Variants in SLIT2 observed in about 807,000 individuals in gnomAD.
SLIT2 encodes slit guidance ligand 2.
SLIT2 carries 41 observed loss-of-function variants against 185.7 expected under a neutral mutation model. That is an observed-to-expected ratio of 0.22 (90% CI 0.17 to 0.29). The LOEUF is 0.29. SLIT2 is among the 10% of genes least tolerant of loss of function. SLIT2 has a pLI of 1.00. For synonymous variants in SLIT2, 693 were observed against 680.2 expected (o/e 1.02, Z -0.29); for missense variants, 1,571 against 1,909.0 (o/e 0.82, Z 3.30).
intron 9 of SLIT2, among the ~76,000 whole-genome samples, chr4:20,504,748 G>T (rs769418645): frequency 1.8e-4 from 27 of 152,016 alleles, no homozygotes; most frequent in Non-Finnish European, 3.4e-4. Context: ...GGGGTGTGTG[G>T]GTGACGTTGC....
At chr4:20,585,796 A>G (rs972947437) in intron 29 of SLIT2, among the ~76,000 whole-genome samples, 1 of 152,198 alleles carries the variant, frequency 6.6e-6, no homozygotes, top group Non-Finnish European at 1.5e-5. Context: ...CTGAGCCATC[A>G]CAAAAGCAAA....
intron 30 of SLIT2, among the ~76,000 whole-genome samples, chr4:20,590,167 A>G (rs1727401761): frequency 6.6e-6 from 1 of 152,074 alleles, no homozygotes; most frequent in Admixed American, 6.5e-5. Flanking sequence ...GGCCTCCCAA[A>G]GTGCTGGGAT....
At chr4:20,574,940 T>C (rs1725964326) in intron 29 of SLIT2, among the ~76,000 whole-genome samples, 2 of 152,288 alleles carry the variant, frequency 1.3e-5, no homozygotes, top group Admixed American at 6.5e-5. Context: ...TGAAAACAAA[T>C]GGTTTCATAT....
At chr4:20,412,871 A>G (rs1185105095) in intron 4 of SLIT2, among the ~76,000 whole-genome samples, 1 of 152,132 alleles carries the variant, frequency 6.6e-6, no homozygotes, top group African/African-American at 2.4e-5. Context: ...GACCTTTAGG[A>G]AAATCAATCA....
intron 34 of SLIT2, among the ~76,000 whole-genome samples, chr4:20,611,845 G>C (rs1205858418): frequency 6.6e-6 from 1 of 152,116 alleles, no homozygotes; most frequent in East Asian, 1.9e-4. Flanking sequence ...ACTTGTCCAA[G>C]TACACAAAGC....
At chr4:20,266,827 T>C (rs1713080316) in intron 3 of SLIT2, among the ~76,000 whole-genome samples, 1 of 152,004 alleles carries the variant, frequency 6.6e-6, no homozygotes. Context: ...ACTAACTTTT[T>C]GTAGGAGAAT....
In SLIT2 at chr4:20,466,612, G is replaced by A. The variant is rs539185758; in HGVS notation, c.396-1140G>A. ...ACACACTAAATCTCCGTATCTGCCG[G>A]TTCTCTCTCTCTCTGTTGCGTGGCC... On this transcript the variant is annotated intron_variant, in intron 4 of 36. Transcript: ENST00000504154. 4.5e-4 allele frequency among the ~76,000 whole-genome samples: 68 copies of A among 152,196 alleles called. 2 individuals are homozygous for A. The South Asian group carries it at 0.014, about 32-fold the overall frequency.
intron 4 of SLIT2, among the ~76,000 whole-genome samples, chr4:20,401,559 C>T (rs1002558527): frequency 4.6e-5 from 7 of 151,728 alleles, no homozygotes; most frequent in African/African-American, 4.8e-5. Flanking sequence ...TGCTTAGCCA[C>T]GCAGCTGGGT....
chr4:20,529,826 T>C (rs1385445818), intron 16 of SLIT2, among the ~76,000 whole-genome samples: 1 of 152,242 alleles, frequency 6.6e-6, no homozygotes, highest in African/African-American at 2.4e-5. Context: ...CTCATCATTC[T>C]CTAAACATCT....
intron 4 of SLIT2, among the ~76,000 whole-genome samples, chr4:20,388,442 G>A (rs1472379431): frequency 6.6e-6 from 1 of 152,038 alleles, no homozygotes; most frequent in Non-Finnish European, 1.5e-5. Context: ...CTTAAAGGGA[G>A]AAGTGAATTA....
In SLIT2 at chr4:20,617,447, A is replaced by G. The variant is rs773487213; in HGVS notation, c.4145A>G (p.His1382Arg). ...GTTCCTCCTCCCTGTAGATGCGTAC[A>G]TGGCACCTGCTTGCCCATCAATGCG... Reference protein sequence around the residue: ...NDPCLGNKCVHGTCLPINAFS... With the variant: ...NDPCLGNKCVRGTCLPINAFS... The change falls in exon 36 of 37, where the codon CAT (histidine) becomes CGT (arginine). Residue 1382 changes from histidine to arginine, a missense_variant. His to Arg is a conservative substitution (Grantham distance 29). This residue lies in a region of SLIT2 where 223 missense variants were observed against 245.2 expected (regional missense o/e 0.91). Transcript: ENST00000504154. 16 of 1,613,894 alleles carry G rather than the reference A, an allele frequency of 9.9e-6. No homozygotes were observed. The highest frequency in any genetic ancestry group is 2.2e-5 in the East Asian group (1 of 44,840).
At chr4:20,256,798 C>A in intron 2 of SLIT2, 55 bp downstream of exon 2, 2 of 800,908 alleles carry the variant, frequency 2.5e-6, no homozygotes, top group East Asian at 2.6e-5. Context: ...TATTTTGAAT[C>A]ATTACTGGCC....
At position 20,511,200 on chromosome 4, in the gene SLIT2, T is replaced by A; in HGVS notation, c.1058+63T>A. On this transcript the variant is annotated intron_variant, in intron 11 of 36. Coordinates refer to ENST00000504154, the MANE Select transcript of SLIT2 (RefSeq NM_004787.4). Reference sequence around the variant, plus strand: ...CACAACAAAGAGTGGCTACCTTTTTTAAATTGGGGTTTAAAAAATGCTCTC... The same window carrying A: ...CACAACAAAGAGTGGCTACCTTTTTAAAATTGGGGTTTAAAAAATGCTCTC... The A allele has an allele frequency of 5.5e-6, 5 of 907,916 alleles. No individual in the cohort carries two copies. The East Asian group carries it at 7.3e-5, about 13-fold the overall frequency. 56.2% of individuals were successfully genotyped at this position (907,916 alleles called of 1,614,324 possible). A position where few individuals can be genotyped will look rare whatever the true frequency, so the allele number is the denominator to read the frequency against.
intron 4 of SLIT2, among the ~76,000 whole-genome samples, chr4:20,382,341 C>T (rs1724594218): frequency 6.6e-6 from 1 of 152,028 alleles, no homozygotes; most frequent in Non-Finnish European, 1.5e-5. Context: ...GATGTCCTAG[C>T]CTGCCTAGTA....
chr4:20,441,231 C>T (rs1729714461), intron 4 of SLIT2, among the ~76,000 whole-genome samples: 1 of 152,102 alleles, frequency 6.6e-6, no homozygotes, highest in South Asian at 2.1e-4. Flanking sequence ...TTTTTTACAA[C>T]CTGGATTTTA....
intron 4 of SLIT2, among the ~76,000 whole-genome samples, chr4:20,323,205 G>A (rs1719257943): frequency 6.6e-6 from 1 of 150,694 alleles, no homozygotes; most frequent in Non-Finnish European, 1.5e-5. Context: ...GCTAAAAAAT[G>A]TATTGTAACC....
At chr4:20,371,471 A>G (rs1006320421) in intron 4 of SLIT2, among the ~76,000 whole-genome samples, 3 of 152,094 alleles carry the variant, frequency 2.0e-5, no homozygotes, top group Non-Finnish European at 4.4e-5. Flanking sequence ...TTGAAGAAGG[A>G]CTATCTTTCT....
At chr4:20,415,979 G>T (rs940326951) in intron 4 of SLIT2, among the ~76,000 whole-genome samples, 1 of 152,122 alleles carries the variant, frequency 6.6e-6, no homozygotes, top group Non-Finnish European at 1.5e-5. Flanking sequence ...AGTTAGTGAT[G>T]ACACAGTATT....
chr4:20,264,755 GCAAA>G (rs1464037679), intron 3 of SLIT2, among the ~76,000 whole-genome samples: 2 of 151,916 alleles, frequency 1.3e-5, no homozygotes, highest in Non-Finnish European at 2.9e-5. Flanking sequence ...GTAGCACAGA[GCAAA>G]CAGTTACTGG....
Sources: gnomAD v4.1 joint callset for allele counts (sites outside exome capture counted in the v4.1 genomes callset) on GRCh38, gnomAD v4.1.1 for gene constraint, gnomAD v4.1.1 regional missense constraint, MANE v1.5 for transcripts, NCBI Gene and HGNC (gene_info 2026-07-23, HGNC 2026-07-21) for gene names.